Variants in TC2N observed in about 807,000 individuals in gnomAD.
The protein encoded by TC2N is tandem C2 domains nuclear protein.
In TC2N, 51 loss-of-function variants were observed where a neutral mutation model predicts 61.9. The ratio of observed to expected loss-of-function variants is 0.82; its 90% CI spans 0.66 to 1.04. The LOEUF (loss-of-function observed/expected upper bound fraction) is 1.04, where lower values mean the gene tolerates loss of function less well. TC2N is among the 50% of genes least tolerant of loss of function. TC2N has a pLI of 0.00. For synonymous variants in TC2N, 204 were observed against 192.6 expected (o/e 1.06, Z -0.49); for missense variants, 556 against 566.7 (o/e 0.98, Z 0.19).
intron 1 of TC2N, among the ~76,000 whole-genome samples, chr14:91,861,928 G>T (rs7140145): frequency 1.0e-5 from 1 of 97,772 alleles, no homozygotes; most frequent in Non-Finnish European, 2.3e-5. Flanking sequence ...ATATATATAT[G>T]TATATATATG....
chr14:91,813,850 TA>T (rs760196078), intron 1 of TC2N, 25 bp from the exon 2 acceptor site: 1 of 945,708 alleles, frequency 1.1e-6, no homozygotes, highest in Non-Finnish European at 1.7e-6. Context: ...GAAAACAAGT[TA>T]ACCTGCTTGT....
chr14:91,841,805 A>C (rs1312478946), intron 1 of TC2N, among the ~76,000 whole-genome samples: 1 of 152,146 alleles, frequency 6.6e-6, no homozygotes, highest in Admixed American at 6.5e-5. Context: ...TTCCACTTTC[A>C]GACCTTTACT....
intron 1 of TC2N, among the ~76,000 whole-genome samples, chr14:91,849,639 G>A (rs1304976583): frequency 1.3e-5 from 2 of 152,184 alleles, no homozygotes; most frequent in African/African-American, 2.4e-5. Context: ...AGAAAACTGT[G>A]TCCCTCTAAG....
intron 1 of TC2N, among the ~76,000 whole-genome samples, chr14:91,864,097 T>C (rs1044220989): frequency 6.6e-6 from 1 of 152,110 alleles, no homozygotes; most frequent in Non-Finnish European, 1.5e-5. Flanking sequence ...GGGGATCCAT[T>C]TGGTGGGGGT....
intron 5 of TC2N, 115 bp from the exon 6 acceptor site, chr14:91,799,179 G>C (rs541951802): frequency 1.7e-6 from 1 of 583,290 alleles, no homozygotes; most frequent in Non-Finnish European, 2.9e-6. Context: ...TTTTGACAGT[G>C]TTACAGGTCA....
Position 91,787,413 on chromosome 14 carries a change from G to T in TC2N, c.1162+100C>A, listed in dbSNP as rs1387188608. On this transcript the variant is annotated intron_variant, in intron 10 of 11. Transcript: ENST00000435962. ...AAAGTAAATAAGTTAAATAATAAAA[G>T]TTACTAAGATTTTAATCTCCATTGT... 5 of 659,618 alleles carry T rather than the reference G, an allele frequency of 7.6e-6. No homozygotes were observed. In the Admixed American group the frequency reaches 1.1e-4, roughly 14 times the overall value. The allele number at this position is 659,618 out of a possible 1,614,324, so 40.9% of individuals were successfully genotyped here. A position where few individuals can be genotyped will look rare whatever the true frequency, so the allele number is the denominator to read the frequency against.
At chr14:91,788,195 A>AG (rs1885459816) in intron 9 of TC2N, among the ~76,000 whole-genome samples, 1 of 152,168 alleles carries the variant, frequency 6.6e-6, no homozygotes, top group Admixed American at 6.5e-5. Flanking sequence ...GAGGCAGTAA[A>AG]TAATAAGGAA....
At chr14:91,863,323 G>T (rs150586364) in intron 1 of TC2N, among the ~76,000 whole-genome samples, 157 of 152,322 alleles carry the variant, frequency 1.0e-3, no homozygotes, top group African/African-American at 3.3e-3. Context: ...AAGTTTTATA[G>T]TGGGAGAAGG....
chr14:91,793,375 A>G (rs575174738), intron 8 of TC2N, among the ~76,000 whole-genome samples: 18 of 152,328 alleles, frequency 1.2e-4, no homozygotes, highest in South Asian at 4.1e-4. Flanking sequence ...GGCAACTAGC[A>G]TAAATATTTT....
chr14:91,831,133 A>ATC lies in TC2N; in HGVS notation c.-56-17309_-56-17308insGA, dbSNP rs1362262594. Among the ~76,000 whole-genome samples the ATC allele has an allele frequency of 7.6e-3, 1,164 of 152,332 alleles. 18 individuals carry two copies. Among genetic ancestry groups the ATC allele is most frequent in the African/African-American group, 0.026 (1,092 of 41,570 alleles). ...GTTTAGCTTTCTCTTAGATTTTGGC[A>ATC]TGTTAATTCCTATCTTTTGAATTGT... On this transcript the variant is annotated intron_variant, in intron 1 of 11. Coordinates refer to ENST00000435962, the MANE Select transcript of TC2N (RefSeq NM_001128596.3).
intron 9 of TC2N, among the ~76,000 whole-genome samples, chr14:91,791,616 T>G (rs925976643): frequency 6.6e-6 from 1 of 152,174 alleles, no homozygotes; most frequent in Non-Finnish European, 1.5e-5. Flanking sequence ...TGTAAAAACT[T>G]CTAATCAATT....
At chr14:91,800,452 A>G in intron 4 of TC2N, 80 bp from the exon 5 acceptor site, 1 of 675,288 alleles carries the variant, frequency 1.5e-6, no homozygotes, top group Non-Finnish European at 2.4e-6. Context: ...AAATCTCTGT[A>G]GCAATACATC....
intron 1 of TC2N, among the ~76,000 whole-genome samples, chr14:91,856,592 G>T (rs896726453): frequency 2.0e-5 from 3 of 151,942 alleles, no homozygotes; most frequent in African/African-American, 7.3e-5. Flanking sequence ...AATTTCCTCC[G>T]CTGTCCCCAG....
Position 91,786,196 on chromosome 14 carries a change from G to A in TC2N, c.1163-835C>T, listed in dbSNP as rs751227542. On this transcript the variant is annotated intron_variant, in intron 10 of 11. Coordinates refer to ENST00000435962, the MANE Select transcript of TC2N (RefSeq NM_001128596.3). ...TGATAAGCTGTTTTAAGGGAAGCCC[G>A]TCATAAACAGCATCTGTTGTCCTTG... Among the ~76,000 whole-genome samples, 10 of 152,268 alleles carry A rather than the reference G, an allele frequency of 6.6e-5. No individual in the cohort carries two copies. In the East Asian group the frequency reaches 7.7e-4, roughly 12 times the overall value.
intron 1 of TC2N, among the ~76,000 whole-genome samples, chr14:91,839,461 C>G (rs541499403): frequency 1.3e-3 from 194 of 152,332 alleles, no homozygotes; most frequent in African/African-American, 4.5e-3. Context: ...GCTGTGATTA[C>G]TGGCTTCTTT....
intron 1 of TC2N, among the ~76,000 whole-genome samples, chr14:91,858,152 CTTTT>C (rs56379239): frequency 1.1e-5 from 1 of 92,334 alleles, no homozygotes; most frequent in African/African-American, 4.0e-5. Context: ...TCTTCTTCTT[CTTTT>C]TTTTTTTTTT....
chr14:91,791,100 C>T (rs1337593712), intron 9 of TC2N, among the ~76,000 whole-genome samples: 1 of 149,140 alleles, frequency 6.7e-6, no homozygotes, highest in African/African-American at 2.5e-5. Flanking sequence ...TACCATACTC[C>T]ATGCTGGGCT....
intron 5 of TC2N, among the ~76,000 whole-genome samples, chr14:91,799,276 T>C (rs774435913): frequency 4.6e-5 from 7 of 151,864 alleles, no homozygotes; most frequent in Admixed American, 1.3e-4. Context: ...CAAGATGATA[T>C]ACTGGAAAGC....
intron 1 of TC2N, among the ~76,000 whole-genome samples, chr14:91,843,287 C>T (rs1273274182): frequency 6.6e-6 from 1 of 151,948 alleles, no homozygotes; most frequent in African/African-American, 2.4e-5. Flanking sequence ...CCTGACATGT[C>T]CTCCCACCAT....
Sources: allele counts gnomAD v4.1 joint callset (sites outside exome capture counted in the v4.1 genomes callset), GRCh38; gene constraint gnomAD v4.1.1; transcripts MANE v1.5; gene names NCBI Gene and HGNC (gene_info 2026-07-23, HGNC 2026-07-21).